DLK1: variants seen among roughly 807,000 people sequenced by gnomAD.
DLK1 encodes the protein protein delta homolog 1.
Under a neutral mutation model 35.2 loss-of-function variants are expected in DLK1, and 9 were observed. The ratio of observed to expected loss-of-function variants is 0.26; its 90% CI spans 0.15 to 0.45. The LOEUF (loss-of-function observed/expected upper bound fraction) is 0.45, where lower values mean the gene tolerates loss of function less well. Ranked by LOEUF, DLK1 falls within the 20% of genes least tolerant of loss-of-function variation. The probability of loss-of-function intolerance (pLI) is 1.00; values close to 1 mark genes in which losing one functional copy is unlikely to be tolerated. For missense variants in DLK1, 522 were observed against 528.5 expected, an observed-to-expected ratio of 0.99 and a Z score of 0.12; for synonymous variants, 231 against 228.4, an observed-to-expected ratio of 1.01 and a Z score of -0.10.
In DLK1 at chr14:100,732,067, C is replaced by T; in HGVS notation, c.288C>T (p.Pro96=). The change falls in exon 4 of 5, where the codon CCC becomes CCT. Residue 96 remains proline, a synonymous_variant. Coordinates refer to ENST00000341267, the MANE Select transcript of DLK1 (RefSeq NM_003836.7). ...ATGTTCGGGCCTGCTCCTCGGCCCC[C>T]TGTGCCAACAACAGGACCTGCGTGA... The part of the protein sequence containing the change: ...DRDVRACSSA[P]CANNRTCVSL... The T allele has an allele frequency of 6.2e-7, 1 of 1,613,888 alleles. No individual in the cohort carries two copies. The highest frequency in any genetic ancestry group is 8.5e-7 in the Non-Finnish European group (1 of 1,179,834).
chr14:100,727,046 ACCGCGACC>A lies in DLK1; in HGVS notation c.-19_-12del. 1 of 1,557,022 alleles carries A rather than the reference ACCGCGACC, an allele frequency of 6.4e-7. No homozygotes were observed. On this transcript the variant is annotated 5_prime_UTR_variant, in exon 1 of 5. Transcript: ENST00000341267. The stretch of plus-strand genomic sequence containing the variant: ...GACCCGCGCCCGCACCGCTCCCGGG[ACCGCGACC>A]CCGGCCGCCCAGAGATGACCGCGAC...
rs34429112 is a variant in DLK1, at chr14:100,734,347, C to G, written c.603C>G (p.Ile201Met). 6.2e-7 allele frequency: 1 copy of G among 1,612,932 alleles called. No individual in the cohort carries two copies. Among genetic ancestry groups the G allele is most frequent in the Non-Finnish European group, 8.5e-7 (1 of 1,179,838 alleles). The change falls in exon 5 of 5, where the codon ATC becomes ATG. Residue 201 changes from isoleucine to methionine, a missense_variant. Coordinates refer to ENST00000341267, the MANE Select transcript of DLK1 (RefSeq NM_003836.7). This position sits in a 1 kb window ranked among gnomAD's most constrained non-coding sequence, Gnocchi z 7.4. ...GCTGCCGGTGCCCAGCCGGCTTCAT[C>G]GACAAGACCTGCAGCCGCCCGGTGA... is the stretch of plus-strand genomic sequence containing the variant. ...DFRCRCPAGF[I>M]DKTCSRPVTN...
intron 3 of DLK1, among the ~76,000 whole-genome samples, chr14:100,730,042 A>G (rs1567021015): frequency 6.6e-6 from 1 of 152,230 alleles, no homozygotes; most frequent in East Asian, 1.9e-4. Context: ...TTCCTTAAGG[A>G]ACACCTAAGA....
At position 100,727,178 on chromosome 14, in the gene DLK1, C is replaced by A. The variant is rs775035975; in HGVS notation, c.67+43C>A. ...CCGGCTCGCGCCCCCTCTGGGGAAGCCTGCGACTCCCCGCCGGCCGCCCGG... is the reference window on the plus strand; with the variant it reads ...CCGGCTCGCGCCCCCTCTGGGGAAGACTGCGACTCCCCGCCGGCCGCCCGG... On this transcript the variant is annotated intron_variant, in intron 1 of 4. Coordinates refer to ENST00000341267, the MANE Select transcript of DLK1 (RefSeq NM_003836.7). The A allele has an allele frequency of 2.7e-6, 4 of 1,507,994 alleles. No homozygotes were observed. In the Admixed American group the frequency reaches 8.3e-5, roughly 31 times the overall value. The allele number at this position is 1,507,994 out of a possible 1,614,324, so 93.4% of individuals were successfully genotyped here.
At position 100,728,449 on chromosome 14, in the gene DLK1, A is replaced by G. The variant is rs1473830734; in HGVS notation, c.121A>G (p.Asn41Asp). 2 of 1,613,624 alleles carry G rather than the reference A, an allele frequency of 1.2e-6. No homozygotes were observed. The highest frequency in any genetic ancestry group is 1.7e-6 in the Non-Finnish European group (2 of 1,179,838). Reference sequence around the variant, plus strand: ...CCAAAATGGATTCTGCGAGGATGACAATGTTTGCAGGTAATAGAGTGGCTC... The same window carrying G: ...CCAAAATGGATTCTGCGAGGATGACGATGTTTGCAGGTAATAGAGTGGCTC... ...NPQNGFCEDD[N>D]VCRCQPGWQG... Residue 41 changes from asparagine (N) to aspartate (D), a missense_variant, in exon 2 of 5, where the codon AAT (asparagine) becomes GAT (aspartate). Coordinates refer to ENST00000341267, the MANE Select transcript of DLK1 (RefSeq NM_003836.7).
rs149186369 is a variant in DLK1, at chr14:100,733,546, A to G, written c.405-603A>G. 1.5e-3 allele frequency among the ~76,000 whole-genome samples: 232 copies of G among 152,238 alleles called. 5 individuals are homozygous for G. In the East Asian group the frequency reaches 0.037, roughly 24 times the overall value. On this transcript the variant is annotated intron_variant, in intron 4 of 4. Coordinates refer to ENST00000341267, the MANE Select transcript of DLK1 (RefSeq NM_003836.7). ...TTGAGAGTCCCCAAGCGCTTCCTGC[A>G]CAATAGCCTGTGGATCCACACCGCT...
rs531192489 is a variant in DLK1 at position 100,737,507 on chromosome 14, G to T, written c.*2611G>T. On this transcript the variant is annotated 3_prime_UTR_variant, in exon 5 of 5. Coordinates refer to ENST00000341267, the MANE Select transcript of DLK1 (RefSeq NM_003836.7). ...GTTCCCCTGATAACAAGAAAAAGAC[G>T]TCCCACGGTCGAGGTATCCTTGACC... 1.3e-5 allele frequency: 2 copies of T among 152,122 alleles called. No individual in the cohort carries two copies. The highest frequency in any genetic ancestry group is 4.8e-5 in the African/African-American group (2 of 41,408). The allele number at this position is 152,122 out of a possible 1,614,324, so 9.4% of individuals were successfully genotyped here.
intron 1 of DLK1, 88 bp downstream of exon 1, chr14:100,727,223 C>A: frequency 7.4e-7 from 1 of 1,350,986 alleles, no homozygotes; most frequent in Non-Finnish European, 9.9e-7. Context: ...CGCCCCGTCT[C>A]GTGAGCCCCA....
In DLK1 at chr14:100,737,094, CT is replaced by C. The variant is rs1173196580; in HGVS notation, c.*2200del. The C allele has an allele frequency of 9.8e-6, 1 of 102,252 alleles. No homozygotes were observed. Among genetic ancestry groups the C allele is most frequent in the Non-Finnish European group, 2.0e-5 (1 of 50,274 alleles). 6.3% of individuals were successfully genotyped at this position (102,252 alleles called of 1,614,324 possible). On this transcript the variant is annotated 3_prime_UTR_variant, in exon 5 of 5. Transcript: ENST00000341267. ...CCCTTCCCCTCCCGTTCTCCCCACC[CT>C]TCCCCTCCTGTCTCCACCAGCCCTC...
chr14:100,727,021 G>T lies in DLK1; in HGVS notation c.-48G>T, dbSNP rs1406563273. Reference sequence around the variant, plus strand: ...AAGCCCAGTGCGGCGCCAGGAGCCGGACCCGCGCCCGCACCGCTCCCGGGA... The same window carrying T: ...AAGCCCAGTGCGGCGCCAGGAGCCGTACCCGCGCCCGCACCGCTCCCGGGA... On this transcript the variant is annotated 5_prime_UTR_variant, in exon 1 of 5. Coordinates refer to ENST00000341267, the MANE Select transcript of DLK1 (RefSeq NM_003836.7). 6 of 1,514,672 alleles carry T rather than the reference G, an allele frequency of 4.0e-6. No individual in the cohort carries two copies. The allele number at this position is 1,514,672 out of a possible 1,614,324, so 93.8% of individuals were successfully genotyped here. A position where few individuals can be genotyped will look rare whatever the true frequency, so the allele number is the denominator to read the frequency against.
In DLK1 at chr14:100,734,993, T is replaced by G; in HGVS notation, c.*97T>G. On this transcript the variant is annotated 3_prime_UTR_variant, in exon 5 of 5. Transcript: ENST00000341267. The surrounding 1 kb of genome is among the most constrained non-coding windows in gnomAD (Gnocchi z 7.4). Reference sequence around the variant, plus strand: ...TTTGTGGTGTTCGCTATCTCTTGTGTCAAATCTGGTGAACGCTACGCTTAC... The same window carrying G: ...TTTGTGGTGTTCGCTATCTCTTGTGGCAAATCTGGTGAACGCTACGCTTAC... 1 of 1,465,292 alleles carries G rather than the reference T, an allele frequency of 6.8e-7. No individual in the cohort carries two copies. Among genetic ancestry groups the G allele is most frequent in the Non-Finnish European group, 9.1e-7 (1 of 1,104,766 alleles). The allele number at this position is 1,465,292 out of a possible 1,614,324, so 90.8% of individuals were successfully genotyped here.
At position 100,734,570 on chromosome 14, in the gene DLK1, C is replaced by T. The variant is rs1301854635; in HGVS notation, c.826C>T (p.Pro276Ser). Residue 276 changes from proline (P) to serine (S), a missense_variant, in exon 5 of 5, where the codon CCG becomes TCG. By Grantham distance (74) the Pro-to-Ser change is moderately conservative (BLOSUM62 -1). Transcript: ENST00000341267. The surrounding 1 kb of genome is among the most constrained non-coding windows in gnomAD (Gnocchi z 7.4). ...CCTGACCCCTGGGGTGCACGAGCTG[C>T]CGGTGCAGCAGCCGGAGCACCGCAT... The part of the protein sequence containing the change: ...YRLTPGVHEL[P>S]VQQPEHRILK... 1 of 1,613,500 alleles carries T rather than the reference C, an allele frequency of 6.2e-7. No individual in the cohort carries two copies. Among genetic ancestry groups the T allele is most frequent in the Admixed American group, 1.7e-5 (1 of 60,018 alleles).
chr14:100,734,890 G>C lies in DLK1; in HGVS notation c.1146G>C (p.Glu382Asp). Residue 382 changes from glutamate to aspartate, a missense_variant, in exon 5 of 5, where the codon GAG (glutamate) becomes GAC (aspartate). Coordinates refer to ENST00000341267, the MANE Select transcript of DLK1 (RefSeq NM_003836.7). The surrounding 1 kb of genome is among the most constrained non-coding windows in gnomAD (Gnocchi z 7.4). ...TTFSKEAGDE[E>D]I ...TCAGCAAGGAGGCCGGCGACGAGGA[G>C]ATCTAAGCAGCGTTCCCACAGCCCC... 6.3e-7 allele frequency: 1 copy of C among 1,578,306 alleles called. No homozygotes were observed. Among genetic ancestry groups the C allele is most frequent in the Non-Finnish European group, 8.6e-7 (1 of 1,165,562 alleles).
chr14:100,728,882 T>A (rs574723022), intron 2 of DLK1, 54 bp from the exon 3 acceptor site: 1 of 1,595,162 alleles, frequency 6.3e-7, no homozygotes, highest in Non-Finnish European at 8.5e-7. Flanking sequence ...CTGAGCTGCC[T>A]CTCTACCCCT....
At chr14:100,729,163 A>C in intron 3 of DLK1, 97 bp downstream of exon 3, 1 of 1,581,542 alleles carries the variant, frequency 6.3e-7, no homozygotes, top group Non-Finnish European at 8.6e-7. Context: ...GGTGTTCCTC[A>C]CTTCCTCATT....
At chr14:100,729,227 G>A (rs777355949) in intron 3 of DLK1, 161 bp downstream of exon 3, 4 of 1,284,256 alleles carry the variant, frequency 3.1e-6, no homozygotes, top group South Asian at 2.5e-5. Flanking sequence ...TTTCCTGTGG[G>A]TACCGAATGC....
At chr14:100,730,831 C>T (rs1370275362) in intron 3 of DLK1, among the ~76,000 whole-genome samples, 4 of 152,200 alleles carry the variant, frequency 2.6e-5, no homozygotes, top group South Asian at 2.1e-4. Context: ...TGGAACACCA[C>T]GGGGTAGTCC....
intron 2 of DLK1, 41 bp downstream of exon 2, chr14:100,728,500 G>T: frequency 6.2e-7 from 1 of 1,607,482 alleles, no homozygotes; most frequent in Non-Finnish European, 8.5e-7. Flanking sequence ...TAGGGGCCAC[G>T]CAGAAGCCTG....
chr14:100,729,561 CAGG>C (rs1242415761), intron 3 of DLK1, among the ~76,000 whole-genome samples: 6 of 138,142 alleles, frequency 4.3e-5, no homozygotes, highest in African/African-American at 1.7e-4. Context: ...GAGTCAGGGC[CAGG>C]AGGACAGGGC....
Sources: gnomAD v4.1 joint callset for allele counts (sites outside exome capture counted in the v4.1 genomes callset) on GRCh38, gnomAD v4.1.1 for gene constraint, Gnocchi (gnomAD v3.1) non-coding constraint, MANE v1.5 for transcripts, NCBI Gene and HGNC (gene_info 2026-07-23, HGNC 2026-07-21) for gene names.